DSC1: variants seen among roughly 807,000 people sequenced by gnomAD.
DSC1 encodes the protein desmocollin-1.
Under a neutral mutation model 98.8 loss-of-function variants are expected in DSC1, and 79 were observed. That is an observed-to-expected ratio of 0.80 (90% CI 0.67 to 0.96). The LOEUF (loss-of-function observed/expected upper bound fraction) is 0.96. DSC1 is among the 50% of genes least tolerant of loss of function. The pLI is 0.00. For synonymous variants in DSC1, 405 were observed against 372.1 expected, an observed-to-expected ratio of 1.09 and a Z score of -1.02; for missense variants, 1,115 against 1,075.9, an observed-to-expected ratio of 1.04 and a Z score of -0.51.
chr18:31,151,580 G>A (rs140261710), intron 5 of DSC1, among the ~76,000 whole-genome samples: 137 of 152,258 alleles, frequency 9.0e-4, no homozygotes, highest in African/African-American at 2.8e-3. Context: ...TGTCATGTGC[G>A]TGTTATTGTG....
chr18:31,131,953 C>T lies in DSC1; in HGVS notation c.2239-111G>A, dbSNP rs1988502898. 6 of 1,249,274 alleles carry T rather than the reference C, an allele frequency of 4.8e-6. No individual in the cohort carries two copies. The South Asian group carries it at 7.4e-5, about 15-fold the overall frequency. The allele number at this position is 1,249,274 out of a possible 1,614,324, so 77.4% of individuals were successfully genotyped here. A position where few individuals can be genotyped will look rare whatever the true frequency, so the allele number is the denominator to read the frequency against. Reference sequence around the variant, plus strand: ...ACTTGCCTGCTGTGCCTCTCTGTTCCTCATACATAAAATCAGAATAATAGT... The same window carrying T: ...ACTTGCCTGCTGTGCCTCTCTGTTCTTCATACATAAAATCAGAATAATAGT... On this transcript the variant is annotated intron_variant, in intron 14 of 15. Transcript: ENST00000257198.
In DSC1 at chr18:31,159,641, A is replaced by T. The variant is rs1251199026; in HGVS notation, c.64-112T>A. On this transcript the variant is annotated intron_variant, in intron 1 of 15. Transcript: ENST00000257198. ...TGTCAATTTTGGAAACAAATTAATC[A>T]TTTAATTCTTTACATTTTTAATACT... The T allele has an allele frequency of 2.9e-6, 3 of 1,026,702 alleles. No homozygotes were observed. The African/African-American group carries it at 4.9e-5, about 17-fold the overall frequency. 63.6% of individuals were successfully genotyped at this position (1,026,702 alleles called of 1,614,324 possible). A position where few individuals can be genotyped will look rare whatever the true frequency, so the allele number is the denominator to read the frequency against.
Position 31,132,628 on chromosome 18 carries a change from T to C in DSC1, c.2178A>G (p.Glu726=). The change falls in exon 14 of 16, where the codon GAA becomes GAG. Residue 726 remains glutamate (E), a synonymous_variant. Coordinates refer to ENST00000257198, the MANE Select transcript of DSC1 (RefSeq NM_024421.2). ...CAATTAAATTTTGCTGGGCTATGTC[T>C]TCTGGAAAACATTTCTTGACTGTTC... ...AKRTVKKCFP[E]DIAQQNLIVS... 6.2e-7 allele frequency: 1 copy of C among 1,613,628 alleles called. No homozygotes were observed. Among genetic ancestry groups the C allele is most frequent in the South Asian group, 1.1e-5 (1 of 91,056 alleles).
In DSC1 at chr18:31,134,149, G is replaced by A. The variant is rs1988556259; in HGVS notation, c.1877-19C>T. On this transcript the variant is annotated intron_variant, in intron 12 of 15. Coordinates refer to ENST00000257198, the MANE Select transcript of DSC1 (RefSeq NM_024421.2). ...GTTTTACCTAGGGAAAAAAAAGACA[G>A]AATATATATGGATTGGCTGTTTAGA... The A allele has an allele frequency of 6.3e-7, 1 of 1,597,380 alleles. No homozygotes were observed.
At chr18:31,150,809 C>T (rs925600364) in intron 5 of DSC1, 6 of 152,138 alleles carry the variant, frequency 3.9e-5, no homozygotes, top group African/African-American at 1.4e-4. Context: ...ATTACAGTTG[C>T]TGTCAGGCTT....
rs1022993195 is a variant in DSC1, at chr18:31,145,594, T to G, written c.939+17A>C. On this transcript the variant is annotated intron_variant, in intron 7 of 15. Coordinates refer to ENST00000257198, the MANE Select transcript of DSC1 (RefSeq NM_024421.2). ...AAATGTAGTTCAATGACTAGATAGT[T>G]AATTAATCATCATTACTTCTCTATC... 4.3e-6 allele frequency: 7 copies of G among 1,612,658 alleles called. No homozygotes were observed. Among genetic ancestry groups the G allele is most frequent in the Non-Finnish European group, 4.2e-6 (5 of 1,179,008 alleles).
intron 2 of DSC1, among the ~76,000 whole-genome samples, chr18:31,158,676 G>A (rs1199765712): frequency 6.6e-6 from 1 of 152,096 alleles, no homozygotes; most frequent in Non-Finnish European, 1.5e-5. Flanking sequence ...ATTTTCACAA[G>A]CTGTTCTGTG....
chr18:31,130,684 C>T lies in DSC1; in HGVS notation c.2515G>A (p.Glu839Lys). ...ACGTAGTCTTCACAATGTTTATGCT[C>T]CTCATCTTGTCCACACAAATACACC... is the stretch of plus-strand genomic sequence containing the variant. ...EKVYLCGQDE[E>K]HKHCEDYVCS... The change falls in exon 16 of 16, where the codon GAG (glutamate) becomes AAG (lysine). Residue 839 changes from glutamate (E) to lysine (K), a missense_variant. Coordinates refer to ENST00000257198, the MANE Select transcript of DSC1 (RefSeq NM_024421.2). 6.2e-7 allele frequency: 1 copy of T among 1,614,144 alleles called. No individual in the cohort carries two copies. The highest frequency in any genetic ancestry group is 2.2e-5 in the East Asian group (1 of 44,884).
Position 31,156,058 on chromosome 18 carries a change from T to G in DSC1, c.456A>C (p.Pro152=). 3 of 1,613,614 alleles carry G rather than the reference T, an allele frequency of 1.9e-6. No individual in the cohort carries two copies. Among genetic ancestry groups the G allele is most frequent in the Non-Finnish European group, 1.7e-6 (2 of 1,179,908 alleles). The change falls in exon 4 of 16, where the codon CCA becomes CCC. Residue 152 remains proline, a synonymous_variant. Transcript: ENST00000257198. ...TGAAATGCACCTGCTGAACGTGTTG[T>G]GGAAATGGACCCAACGAGTTCTCCA... ...SLMENSLGPF[P]QHVQQIQSDA... is the part of the protein sequence containing the mutation.
chr18:31,147,262 G>A (rs972738363), intron 6 of DSC1, among the ~76,000 whole-genome samples: 4 of 151,892 alleles, frequency 2.6e-5, no homozygotes, highest in African/African-American at 9.7e-5. Context: ...CCTTGAAAAT[G>A]TATTGAAACT....
At chr18:31,147,150 T>G (rs1374934676) in intron 6 of DSC1, among the ~76,000 whole-genome samples, 3 of 121,880 alleles carry the variant, frequency 2.5e-5, no homozygotes, top group Non-Finnish European at 5.6e-5. Flanking sequence ...TCAAATCAGT[T>G]TAATTTTTTT....
Position 31,157,544 on chromosome 18 carries a change from T to C in DSC1, c.178A>G (p.Ser60Gly). Reference protein sequence around the residue: ...VNLEECLKSASLIRSSDPAFR... With the variant: ...VNLEECLKSAGLIRSSDPAFR... ...GCAGGGTCACTGGACCGGATTAGGC[T>C]GGCCGACTTGAGACACTCCTCCAGA... The change falls in exon 3 of 16, where the codon AGC (serine) becomes GGC (glycine). Residue 60 changes from serine to glycine, a missense_variant. Coordinates refer to ENST00000257198, the MANE Select transcript of DSC1 (RefSeq NM_024421.2). The C allele has an allele frequency of 6.2e-7, 1 of 1,614,216 alleles. No individual in the cohort carries two copies. Among genetic ancestry groups the C allele is most frequent in the East Asian group, 2.2e-5 (1 of 44,884 alleles).
intron 6 of DSC1, 91 bp downstream of exon 6, chr18:31,148,407 A>G: frequency 7.2e-7 from 1 of 1,394,804 alleles, no homozygotes; most frequent in Non-Finnish European, 9.5e-7. Context: ...AATGCATAAA[A>G]TGCAATGATA....
At chr18:31,145,898 C>G in intron 6 of DSC1, 121 bp from the exon 7 acceptor site, 1 of 1,086,788 alleles carries the variant, frequency 9.2e-7, no homozygotes, top group East Asian at 2.6e-5. Flanking sequence ...ATTAGTTCTA[C>G]TGTTAAGTTG....
At chr18:31,154,746 T>G in intron 5 of DSC1, 28 bp downstream of exon 5, 1 of 1,549,492 alleles carries the variant, frequency 6.5e-7, no homozygotes, top group Non-Finnish European at 8.7e-7. Context: ...AAAGATATAA[T>G]TATGAATAAA....
At chr18:31,130,857 C>A (rs753784779) in intron 15 of DSC1, 146 bp from the exon 16 acceptor site, 1 of 1,602,320 alleles carries the variant, frequency 6.2e-7, no homozygotes, top group African/African-American at 1.3e-5. Flanking sequence ...AAAAAATGCA[C>A]AGGATTGGTC....
intron 2 of DSC1, among the ~76,000 whole-genome samples, chr18:31,157,811 C>A (rs1413979445): frequency 1.3e-5 from 2 of 152,132 alleles, no homozygotes; most frequent in African/African-American, 2.4e-5. Context: ...AAATATTTTC[C>A]TAGTGTCACT....
Position 31,136,669 on chromosome 18 carries a change from T to C in DSC1, c.1664-1885A>G, listed in dbSNP as rs189126146. On this transcript the variant is annotated intron_variant, in intron 11 of 15. Coordinates refer to ENST00000257198, the MANE Select transcript of DSC1 (RefSeq NM_024421.2). ...CACACATAAAATACACTAACACCAA[T>C]GATAGCTGATGAGCTAAAAAATATA... Among the ~76,000 whole-genome samples, 450 of 152,254 alleles carry C rather than the reference T, an allele frequency of 3.0e-3. 4 individuals carry two copies. The highest frequency in any genetic ancestry group is 0.012 in the East Asian group (60 of 5,170).
At chr18:31,139,701 A>G (rs768713268) in intron 11 of DSC1, 47 bp downstream of exon 11, 2 of 1,493,590 alleles carry the variant, frequency 1.3e-6, no homozygotes, top group Admixed American at 4.6e-5. Flanking sequence ...GGTTTCCTTA[A>G]AAACATGTCA....
Sources: gnomAD v4.1 joint callset for allele counts (sites outside exome capture counted in the v4.1 genomes callset) on GRCh38, gnomAD v4.1.1 for gene constraint, MANE v1.5 for transcripts, NCBI Gene and HGNC (gene_info 2026-07-23, HGNC 2026-07-21) for gene names.